The following TASP1 variants were observed in gnomAD, a reference collection of about 807,000 sequenced individuals.
TASP1 encodes taspase 1.
In TASP1, 16 loss-of-function variants were observed where a neutral mutation model predicts 56.6. That is an observed-to-expected ratio of 0.28 (90% confidence interval 0.19 to 0.43). The LOEUF (loss-of-function observed/expected upper bound fraction) is 0.43, where lower values mean the gene tolerates loss of function less well. Ranked by LOEUF, TASP1 falls within the 20% of genes least tolerant of loss-of-function variation. The pLI, the probability that TASP1 is intolerant of heterozygous loss-of-function variation, is 1.00. For synonymous variants in TASP1, 179 were observed against 184.2 expected, an observed-to-expected ratio of 0.97 and a Z score of 0.23; for missense variants, 393 against 511.6, an observed-to-expected ratio of 0.77 and a Z score of 2.24.
chr20:13,413,240 G>A (rs184415394), intron 13 of TASP1, among the ~76,000 whole-genome samples: 93 of 152,268 alleles, frequency 6.1e-4, no homozygotes, highest in Admixed American at 5.3e-3. Flanking sequence ...ACCACCCAGT[G>A]CCCTGTGCTT....
the TASP1 span, among the ~76,000 whole-genome samples, chr20:13,163,367 CAAAAAA>C: frequency 7.8e-5 from 7 of 90,084 alleles, no homozygotes; most frequent in African/African-American, 1.7e-4. Flanking sequence ...GACGCTGTCT[CAAAAAA>C]AAAAAAAAAA....
intron 6 of TASP1, among the ~76,000 whole-genome samples, chr20:13,570,835 C>T (rs534703899): frequency 2.0e-4 from 30 of 152,140 alleles, no homozygotes; most frequent in African/African-American, 7.2e-5. Flanking sequence ...GGAGCTTGGA[C>T]GCAAATTTGA....
intron 6 of TASP1, among the ~76,000 whole-genome samples, chr20:13,575,215 A>G (rs931332725): frequency 4.6e-5 from 7 of 152,206 alleles, no homozygotes; most frequent in Non-Finnish European, 8.8e-5. Context: ...TTAAATTATA[A>G]GATCATCTCA....
chr20:13,281,198 G>C, the TASP1 span, among the ~76,000 whole-genome samples: 1 of 152,196 alleles, frequency 6.6e-6, no homozygotes, highest in Non-Finnish European at 1.5e-5. Flanking sequence ...GCAAGGCATA[G>C]TCTGTCCCCA....
the TASP1 span, among the ~76,000 whole-genome samples, chr20:13,306,564 C>CAAAAAAAAAAAAAAAAAAAAAGAAA: frequency 3.1e-5 from 2 of 63,912 alleles, no homozygotes; most frequent in African/African-American, 7.2e-5. Context: ...GGAGAAAGGA[C>CAAAAAAAAAAAAAAAAAAAAAGAAA]AAAAAAAAAA....
chr20:13,146,819 G>A, the TASP1 span, among the ~76,000 whole-genome samples: 28 of 152,212 alleles, frequency 1.8e-4, no homozygotes, highest in East Asian at 5.8e-4. Flanking sequence ...TGGAATTCAC[G>A]CCTCATCATG....
chr20:13,436,079 T>C (rs1045556142), intron 11 of TASP1, among the ~76,000 whole-genome samples: 6 of 152,064 alleles, frequency 3.9e-5, no homozygotes, highest in African/African-American at 1.4e-4. Context: ...GTTGCTCACC[T>C]AGCAAACCCA....
At chr20:13,424,605 A>C (rs1157282971) in intron 12 of TASP1, among the ~76,000 whole-genome samples, 2 of 152,122 alleles carry the variant, frequency 1.3e-5, no homozygotes, top group East Asian at 3.9e-4. Context: ...AGCGCTGGCT[A>C]TAACAGTCTC....
chr20:13,227,440 TG>T, the TASP1 span, among the ~76,000 whole-genome samples: 2 of 151,624 alleles, frequency 1.3e-5, no homozygotes, highest in Admixed American at 6.6e-5. Flanking sequence ...CCTGACCTCA[TG>T]ATCTGCCCGC....
the TASP1 span, among the ~76,000 whole-genome samples, chr20:13,110,742 G>A: frequency 1.7e-3 from 260 of 152,214 alleles, 2 homozygotes; most frequent in African/African-American, 5.7e-3. Flanking sequence ...CAGAGCCAGC[G>A]GGTAGGAATG....
At chr20:13,243,229 T>C in the TASP1 span, among the ~76,000 whole-genome samples, 1 of 152,178 alleles carries the variant, frequency 6.6e-6, no homozygotes, top group African/African-American at 2.4e-5. Context: ...GCACAACATT[T>C]AACATCTTTC....
intron 4 of TASP1, among the ~76,000 whole-genome samples, chr20:13,589,494 A>G (rs1416837323): frequency 1.3e-5 from 2 of 152,234 alleles, no homozygotes; most frequent in Non-Finnish European, 2.9e-5. Context: ...GTAAGAGCTA[A>G]AACTACCTAA....
chr20:13,523,420 T>C (rs1489236524), intron 10 of TASP1, among the ~76,000 whole-genome samples: 1 of 152,136 alleles, frequency 6.6e-6, no homozygotes, highest in Non-Finnish European at 1.5e-5. Flanking sequence ...ATAACCCCCC[T>C]CTCACAGAGA....
chr20:13,125,565 C>T, the TASP1 span, among the ~76,000 whole-genome samples: 3 of 152,188 alleles, frequency 2.0e-5, no homozygotes, highest in Non-Finnish European at 2.9e-5. Flanking sequence ...GGGCTGGGCT[C>T]AGCTAAGGAG....
chr20:13,387,336 G>A (rs1468820001), downstream of TASP1, among the ~76,000 whole-genome samples: 1 of 151,858 alleles, frequency 6.6e-6, no homozygotes, highest in Non-Finnish European at 1.5e-5. Context: ...TGGGATTACA[G>A]GCACCCACCA....
chr20:13,455,754 C>A lies in TASP1; in HGVS notation c.986-20600G>T, dbSNP rs1017702232. On this transcript the variant is annotated intron_variant, in intron 11 of 13. Transcript: ENST00000337743. ...TTAACAGCAGAAACCATAACCAACACCCTGGTCTGCTGCTGTGCATTTCAT... is the reference window on the plus strand; with the variant it reads ...TTAACAGCAGAAACCATAACCAACAACCTGGTCTGCTGCTGTGCATTTCAT... Among the ~76,000 whole-genome samples, 23 of 152,278 alleles carry A rather than the reference C, an allele frequency of 1.5e-4. No homozygotes were observed. In the East Asian group the frequency reaches 4.3e-3, roughly 28 times the overall value.
intron 11 of TASP1, among the ~76,000 whole-genome samples, chr20:13,439,895 T>C (rs1181609516): frequency 6.6e-6 from 1 of 151,986 alleles, no homozygotes; most frequent in African/African-American, 2.4e-5. Flanking sequence ...TTCAAAAACA[T>C]TTCCAAGAAT....
At chr20:13,614,610 A>G (rs2048458483) in intron 4 of TASP1, 1 of 262,336 alleles carries the variant, frequency 3.8e-6, no homozygotes, top group Non-Finnish European at 7.7e-6. Context: ...TTCTATTACT[A>G]ATCTGCCTAA....
chr20:13,264,205 A>G, the TASP1 span, among the ~76,000 whole-genome samples: 5 of 152,228 alleles, frequency 3.3e-5, no homozygotes, highest in Non-Finnish European at 7.3e-5. Flanking sequence ...TTTGCCAGCC[A>G]GTCTGCCTTC....
Sources: allele counts gnomAD v4.1 joint callset (sites outside exome capture counted in the v4.1 genomes callset), GRCh38; gene constraint gnomAD v4.1.1; transcripts MANE v1.5; gene names NCBI Gene and HGNC (gene_info 2026-07-23, HGNC 2026-07-21).